Variants in S100A2 observed in about 807,000 individuals in gnomAD.
The protein encoded by S100A2 is S100 calcium binding protein A2, also known as protein S100-A2.
S100A2 carries 5 observed loss-of-function variants against 4.3 expected under a neutral mutation model. That is an observed-to-expected ratio of 1.16 (90% CI 0.61 to 2.44). The LOEUF (loss-of-function observed/expected upper bound fraction) is 2.44. Among genes scored for constraint, S100A2 ranks in the 30% most tolerant of loss-of-function variants. S100A2 has a pLI of 0.01. For missense variants in S100A2, 103 were observed against 114.7 expected, an observed-to-expected ratio of 0.90 and a Z score of 0.47; for synonymous variants, 44 against 46.0, an observed-to-expected ratio of 0.96 and a Z score of 0.17.
intron 1 of S100A2, among the ~76,000 whole-genome samples, chr1:153,565,290 C>A (rs893939673): frequency 7.8e-6 from 1 of 128,488 alleles, no homozygotes; most frequent in Non-Finnish European, 1.5e-5. Flanking sequence ...CCAGCCTGGG[C>A]GACAGAGCGA....
At chr1:153,564,156 G>A (rs1665957999) in intron 1 of S100A2, 1 of 373,024 alleles carries the variant, frequency 2.7e-6, no homozygotes, top group East Asian at 4.5e-5. Context: ...CCCCCCTGAG[G>A]GCAGGGCTCC....
At chr1:153,563,516 A>G (rs1216040299) in intron 2 of S100A2, 1 of 1,550,730 alleles carries the variant, frequency 6.4e-7, no homozygotes, top group Non-Finnish European at 8.7e-7. Context: ...AGGCCCTCAC[A>G]GCACATGGTT....
intron 2 of S100A2, among the ~76,000 whole-genome samples, chr1:153,562,998 G>T (rs1038794391): frequency 6.6e-6 from 1 of 150,518 alleles, no homozygotes; most frequent in Non-Finnish European, 1.5e-5. Flanking sequence ...AGGAGTCCGG[G>T]CACGGTGGCT....
intron 1 of S100A2, 44 bp from the exon 2 acceptor site, chr1:153,563,931 G>A: frequency 6.3e-7 from 1 of 1,584,184 alleles, no homozygotes; most frequent in East Asian, 2.2e-5. Context: ...AGGCTCTTGG[G>A]GCCTTAGCTC....
chr1:153,563,873 A>T lies in S100A2; in HGVS notation c.5T>A (p.Met2Lys), dbSNP rs200362870. M[M>K]CSSLEQALAV... ...CAGCGCCTGCTCCAGAGAACTGCAC[A>T]TCATGGATCTGTGGCTGCAGAGGTG... is the stretch of plus-strand genomic sequence containing the variant. Residue 2 changes from methionine (M) to lysine (K), a missense_variant, in exon 2 of 3, where the codon ATG becomes AAG. Met to Lys is a moderately conservative substitution (Grantham distance 95). Coordinates refer to ENST00000368708, the MANE Select transcript of S100A2 (RefSeq NM_005978.4). The T allele has an allele frequency of 3.7e-6, 6 of 1,613,928 alleles. No individual in the cohort carries two copies. The highest frequency in any genetic ancestry group is 4.5e-5 in the East Asian group (2 of 44,880).
chr1:153,563,522 T>A (rs199536820), intron 2 of S100A2: 5 of 1,550,772 alleles, frequency 3.2e-6, no homozygotes, highest in Non-Finnish European at 4.4e-6. Flanking sequence ...TCACAGCACA[T>A]GGTTCTCTGG....
In S100A2 at chr1:153,565,153, T is replaced by C. The variant is rs1254275994; in HGVS notation, c.-11+353A>G. Among the ~76,000 whole-genome samples the C allele has an allele frequency of 2.0e-5, 3 of 151,036 alleles. No homozygotes were observed. In the East Asian group the frequency reaches 5.9e-4, roughly 30 times the overall value. On this transcript the variant is annotated intron_variant, in intron 1 of 2. Transcript: ENST00000368708. ...GGTGAAACCCCATCTCTACTAAAAATACAAAAAAATTAGCCGGGCATGGTG... is the reference window on the plus strand; with the variant it reads ...GGTGAAACCCCATCTCTACTAAAAACACAAAAAAATTAGCCGGGCATGGTG...
At chr1:153,564,552 A>G (rs1459582485) in intron 1 of S100A2, among the ~76,000 whole-genome samples, 1 of 152,200 alleles carries the variant, frequency 6.6e-6, no homozygotes, top group Non-Finnish European at 1.5e-5. Flanking sequence ...TCTCTCCACC[A>G]GGAAGGATCC....
chr1:153,562,676 A>T (rs1030904770), intron 2 of S100A2, among the ~76,000 whole-genome samples: 1 of 152,052 alleles, frequency 6.6e-6, no homozygotes, highest in Non-Finnish European at 1.5e-5. Flanking sequence ...ATCCCTACAT[A>T]CTTTCTTAGT....
Position 153,561,423 on chromosome 1 carries a change from AGT to A in S100A2, c.*14_*15del, listed in dbSNP as rs1194995504. On this transcript the variant is annotated 3_prime_UTR_variant, in exon 3 of 3. Transcript: ENST00000368708. ...TGGGCCCAAGAGATCCATGGCAGGA[AGT>A]CAAGAGTTCTGCTTCAGGGTCGGTC... is the stretch of plus-strand genomic sequence containing the variant. 2.5e-6 allele frequency: 4 copies of A among 1,606,936 alleles called. No homozygotes were observed. The Admixed American group carries it at 5.0e-5, about 20-fold the overall frequency.
In S100A2 at chr1:153,563,822, T is replaced by C. The variant is rs1379681186; in HGVS notation, c.56A>G (p.Lys19Arg). The change falls in exon 2 of 3, where the codon AAG becomes AGG. Residue 19 changes from lysine to arginine, a missense_variant. Transcript: ENST00000368708. ...CTTGTCGCCCTCTTGGCAGGAGTAC[T>C]TGTGGAAGGTAGTGACCAGCACAGC... ...ALAVLVTTFH[K>R]YSCQEGDKFK... is the part of the protein sequence containing the mutation. 2.5e-6 allele frequency: 4 copies of C among 1,614,082 alleles called. No homozygotes were observed. The highest frequency in any genetic ancestry group is 1.3e-5 in the African/African-American group (1 of 74,922).
rs763515835 is a variant in S100A2 at position 153,561,415 on chromosome 1, T to C, written c.*24A>G. The C allele has an allele frequency of 1.9e-6, 3 of 1,605,522 alleles. No individual in the cohort carries two copies. The highest frequency in any genetic ancestry group is 1.3e-5 in the African/African-American group (1 of 74,858). ...AACAGTCCTGGGCCCAAGAGATCCA[T>C]GGCAGGAAGTCAAGAGTTCTGCTTC... is the stretch of plus-strand genomic sequence containing the variant. On this transcript the variant is annotated 3_prime_UTR_variant, in exon 3 of 3. Coordinates refer to ENST00000368708, the MANE Select transcript of S100A2 (RefSeq NM_005978.4).
rs1011174961 is a variant in S100A2 at position 153,561,184 on chromosome 1, T to C, written c.*255A>G. The C allele has an allele frequency of 1.4e-5, 5 of 346,980 alleles. No individual in the cohort carries two copies. Among genetic ancestry groups the C allele is most frequent in the African/African-American group, 8.4e-5 (4 of 47,464 alleles). The allele number at this position is 346,980 out of a possible 1,614,324, so 21.5% of individuals were successfully genotyped here. On this transcript the variant is annotated 3_prime_UTR_variant, in exon 3 of 3. Coordinates refer to ENST00000368708, the MANE Select transcript of S100A2 (RefSeq NM_005978.4). ...TCGATTTCCAATTTTTTGCTGGTGT[T>C]TGAAATTCCAAAATTGAGACCTAAA...
intron 1 of S100A2, among the ~76,000 whole-genome samples, 185 bp downstream of exon 1, chr1:153,565,321 A>AAAC (rs1665985425): frequency 1.3e-5 from 2 of 151,226 alleles, no homozygotes; most frequent in African/African-American, 4.9e-5. Context: ...CAAAAAAAAA[A>AAAC]AAAAAAAAAA....
At chr1:153,564,472 C>T (rs1665964290) in intron 1 of S100A2, among the ~76,000 whole-genome samples, 1 of 152,308 alleles carries the variant, frequency 6.6e-6, no homozygotes, top group Admixed American at 6.5e-5. Flanking sequence ...GAATGTGTCT[C>T]CCCTCACCCT....
intron 1 of S100A2, among the ~76,000 whole-genome samples, chr1:153,564,421 G>A (rs757351629): frequency 1.2e-4 from 19 of 152,196 alleles, no homozygotes; most frequent in Non-Finnish European, 2.1e-4. Flanking sequence ...CCTTGGGCAG[G>A]AGTGTTTCCT....
At position 153,565,711 on chromosome 1, in the gene S100A2, C is replaced by T. The variant is rs1665991677; in HGVS notation, c.-216G>A. On this transcript the variant is annotated 5_prime_UTR_variant, in exon 1 of 3. Coordinates refer to ENST00000368708, the MANE Select transcript of S100A2 (RefSeq NM_005978.4). ...CCTCCCTCCCAGAGAGTGCCAGCTCCACCACCAGCTGGGGGAGGGCTCTAG... is the reference window on the plus strand; with the variant it reads ...CCTCCCTCCCAGAGAGTGCCAGCTCTACCACCAGCTGGGGGAGGGCTCTAG... The T allele has an allele frequency of 6.6e-6, 1 of 152,540 alleles. No individual in the cohort carries two copies. Among genetic ancestry groups the T allele is most frequent in the Non-Finnish European group, 1.5e-5 (1 of 68,258 alleles). The allele number at this position is 152,540 out of a possible 1,614,324, so 9.4% of individuals were successfully genotyped here. A position where few individuals can be genotyped will look rare whatever the true frequency, so the allele number is the denominator to read the frequency against.
intron 1 of S100A2, 61 bp from the exon 2 acceptor site, chr1:153,563,948 T>C (rs906456568): frequency 4.5e-6 from 7 of 1,545,316 alleles, no homozygotes; most frequent in Non-Finnish European, 6.1e-6. Context: ...GCTCAGCCTG[T>C]AGGATCCACT....
rs566181954 is a variant in S100A2, at chr1:153,561,446, C to T, written c.290G>A (p.Arg97Gln). The T allele has an allele frequency of 2.5e-6, 4 of 1,612,222 alleles. No homozygotes were observed. The highest frequency in any genetic ancestry group is 2.7e-5 in the African/African-American group (2 of 74,888). ...GAAGTCAAGAGTTCTGCTTCAGGGTCGGTCTGGGCAGCCCTGGAAGAAGTC... is the reference window on the plus strand; with the variant it reads ...GAAGTCAAGAGTTCTGCTTCAGGGTTGGTCTGGGCAGCCCTGGAAGAAGTC... ...CNDFFQGCPD[R>Q]P The change falls in exon 3 of 3, where the codon CGA becomes CAA. Residue 97 changes from arginine (R) to glutamine (Q), a missense_variant. Coordinates refer to ENST00000368708, the MANE Select transcript of S100A2 (RefSeq NM_005978.4).
Sources: gnomAD v4.1 joint callset for allele counts (sites outside exome capture counted in the v4.1 genomes callset) on GRCh38, gnomAD v4.1.1 for gene constraint, MANE v1.5 for transcripts, NCBI Gene and HGNC (gene_info 2026-07-23, HGNC 2026-07-21) for gene names.